Variants in AQP11 observed in about 807,000 individuals in gnomAD.
AQP11 encodes aquaporin-11.
In AQP11, 20 loss-of-function variants were observed where a neutral mutation model predicts 21.1. The ratio of observed to expected loss-of-function variants is 0.95; its 90% CI spans 0.67 to 1.38. The LOEUF is 1.38. Ranked by LOEUF, AQP11 falls within the 40% of genes most tolerant of loss-of-function variation. The pLI is 0.00. For synonymous variants in AQP11, 167 were observed against 150.1 expected (o/e 1.11, Z -0.82); for missense variants, 339 against 340.4 (o/e 1.00, Z 0.03).
In AQP11 at chr11:77,590,343, T is replaced by C. The variant is rs749228656; in HGVS notation, c.351T>C (p.Gly117=). 3.1e-6 allele frequency: 5 copies of C among 1,597,656 alleles called. No individual in the cohort carries two copies. In the African/African-American group the frequency reaches 4.1e-5, roughly 13 times the overall value. Residue 117 remains glycine, a synonymous_variant, in exon 1 of 3, where the codon GGT becomes GGC. Coordinates refer to ENST00000313578, the MANE Select transcript of AQP11 (RefSeq NM_173039.3). The part of the protein sequence containing the change: ...MMLGGMSPET[G]AVRLLAQLVS... ...TGGGGGGCATGTCCCCCGAGACGGGTGCGGTGAGGCTATTGGCTCAGCTGG... is the reference window on the plus strand; with the variant it reads ...TGGGGGGCATGTCCCCCGAGACGGGCGCGGTGAGGCTATTGGCTCAGCTGG...
chr11:77,601,995 C>T (rs1314231957), intron 1 of AQP11, among the ~76,000 whole-genome samples: 1 of 145,226 alleles, frequency 6.9e-6, no homozygotes, highest in Non-Finnish European at 1.5e-5. Context: ...TACTCTGCTG[C>T]ATTCTATCAA....
chr11:77,607,780 A>G (rs1958855247), intron 2 of AQP11, among the ~76,000 whole-genome samples: 1 of 151,638 alleles, frequency 6.6e-6, no homozygotes, highest in East Asian at 1.9e-4. Flanking sequence ...AAAAAAAAAA[A>G]GTATATAGAA....
chr11:77,595,075 C>G (rs922248962), intron 1 of AQP11, among the ~76,000 whole-genome samples: 2 of 152,174 alleles, frequency 1.3e-5, no homozygotes, highest in Admixed American at 6.5e-5. Flanking sequence ...GGTGTGGTGG[C>G]TCACGCCTGT....
At chr11:77,602,791 G>C (rs1958822545) in intron 1 of AQP11, among the ~76,000 whole-genome samples, 1 of 152,222 alleles carries the variant, frequency 6.6e-6, no homozygotes, top group African/African-American at 2.4e-5. Context: ...AGGCAGAGTT[G>C]TGTGCCTAAG....
chr11:77,590,291 C>A lies in AQP11; in HGVS notation c.299C>A (p.Pro100Gln), dbSNP rs752776735. The A allele has an allele frequency of 1.9e-6, 3 of 1,605,402 alleles. No individual in the cohort carries two copies. In the South Asian group the frequency reaches 3.3e-5, roughly 18 times the overall value. Residue 100 changes from proline (P) to glutamine (Q), a missense_variant, in exon 1 of 3, where the codon CCG becomes CAG. Pro to Gln is a moderately conservative substitution (Grantham distance 76). Coordinates refer to ENST00000313578, the MANE Select transcript of AQP11 (RefSeq NM_173039.3). Reference protein sequence around the residue: ...GLTLVGTSSNPCGVMMQMMLG... With the variant: ...GLTLVGTSSNQCGVMMQMMLG... Reference sequence around the variant, plus strand: ...ACTCTGGTGGGCACGTCCAGCAACCCGTGCGGCGTGATGATGCAGATGATG... The same window carrying A: ...ACTCTGGTGGGCACGTCCAGCAACCAGTGCGGCGTGATGATGCAGATGATG...
chr11:77,590,654 A>G lies in AQP11; in HGVS notation c.619+43A>G, dbSNP rs148893178. The stretch of plus-strand genomic sequence containing the variant: ...AATACTTGGCACTTCCAGAGCCTCT[A>G]TGACATGAGGCTGTAAGTTCTTTAC... On this transcript the variant is annotated intron_variant, in intron 1 of 2. Coordinates refer to ENST00000313578, the MANE Select transcript of AQP11 (RefSeq NM_173039.3). The G allele has an allele frequency of 4.5e-6, 7 of 1,571,396 alleles. No homozygotes were observed. In the Admixed American group the frequency reaches 5.5e-5, roughly 12 times the overall value.
chr11:77,591,095 A>G (rs1958744957), intron 1 of AQP11: 1 of 980,142 alleles, frequency 1.0e-6, no homozygotes, highest in Non-Finnish European at 1.2e-6. Context: ...CCTATAAATG[A>G]TTTAAAGTCA....
At chr11:77,597,569 CAAGAA>C (rs947104195) in intron 1 of AQP11, among the ~76,000 whole-genome samples, 2 of 151,846 alleles carry the variant, frequency 1.3e-5, no homozygotes, top group African/African-American at 2.4e-5. Context: ...GAGAATCTCT[CAAGAA>C]AAGAAAACAG....
intron 1 of AQP11, among the ~76,000 whole-genome samples, chr11:77,594,153 T>G (rs1181255106): frequency 6.6e-6 from 1 of 152,214 alleles, no homozygotes; most frequent in Non-Finnish European, 1.5e-5. Context: ...TGAAACAGCA[T>G]GGTGAATGTA....
chr11:77,606,714 T>C (rs984091054), intron 2 of AQP11, among the ~76,000 whole-genome samples: 1 of 152,244 alleles, frequency 6.6e-6, no homozygotes, highest in South Asian at 2.1e-4. Context: ...CCCAGCTAAG[T>C]TTTGTATTTT....
intron 1 of AQP11, among the ~76,000 whole-genome samples, chr11:77,594,727 A>ACTAAT (rs1958768264): frequency 6.6e-6 from 1 of 152,224 alleles, no homozygotes; most frequent in Non-Finnish European, 1.5e-5. Flanking sequence ...TTTTAGGATT[A>ACTAAT]CAGAACATAA....
chr11:77,601,872 T>C (rs1958817464), intron 1 of AQP11, among the ~76,000 whole-genome samples: 1 of 152,192 alleles, frequency 6.6e-6, no homozygotes, highest in African/African-American at 2.4e-5. Flanking sequence ...CAAACTTACA[T>C]GGTCAGGGCA....
intron 1 of AQP11, among the ~76,000 whole-genome samples, chr11:77,596,869 A>G (rs1958786561): frequency 6.6e-6 from 1 of 151,930 alleles, no homozygotes; most frequent in African/African-American, 2.4e-5. Flanking sequence ...CAATTTAAAA[A>G]AAAAAAGACT....
intron 1 of AQP11, 145 bp downstream of exon 1, chr11:77,590,756 C>T (rs1590780404): frequency 1.1e-5 from 16 of 1,479,904 alleles, no homozygotes; most frequent in East Asian, 4.6e-5. Flanking sequence ...TTTTGCAGCC[C>T]GTTCTTAACC....
Position 77,610,299 on chromosome 11 carries a change from A to G in AQP11, c.*922A>G, listed in dbSNP as rs1958869925. 1 of 152,242 alleles carries G rather than the reference A, an allele frequency of 6.6e-6. No homozygotes were observed. The highest frequency in any genetic ancestry group is 2.4e-5 in the African/African-American group (1 of 41,470). The allele number at this position is 152,242 out of a possible 1,614,324, so 9.4% of individuals were successfully genotyped here. A position where few individuals can be genotyped will look rare whatever the true frequency, so the allele number is the denominator to read the frequency against. On this transcript the variant is annotated 3_prime_UTR_variant, in exon 3 of 3. Transcript: ENST00000313578. ...ATTAAATACTTTATAATAACGTTAAAACTTGTTTAGAAATTAACTAGTATT... is the reference window on the plus strand; with the variant it reads ...ATTAAATACTTTATAATAACGTTAAGACTTGTTTAGAAATTAACTAGTATT...
At position 77,603,607 on chromosome 11, in the gene AQP11, A is replaced by G. The variant is rs1484464031; in HGVS notation, c.671A>G (p.His224Arg). Residue 224 changes from histidine (H) to arginine (R), a missense_variant, in exon 2 of 3, where the codon CAT (histidine) becomes CGT (arginine). Coordinates refer to ENST00000313578, the MANE Select transcript of AQP11 (RefSeq NM_173039.3). ...AATCCAGCTTTGGCACTTTCGCTACATTTCATGTGTTTTGATGAAGCATTC... is the reference window on the plus strand; with the variant it reads ...AATCCAGCTTTGGCACTTTCGCTACGTTTCATGTGTTTTGATGAAGCATTC... Reference protein sequence around the residue: ...VFNPALALSLHFMCFDEAFPQ... With the variant: ...VFNPALALSLRFMCFDEAFPQ... The G allele has an allele frequency of 6.2e-7, 1 of 1,609,728 alleles. No individual in the cohort carries two copies. The highest frequency in any genetic ancestry group is 8.5e-7 in the Non-Finnish European group (1 of 1,178,324).
In AQP11 at chr11:77,591,516, A is replaced by C. The variant is rs538890901; in HGVS notation, c.619+905A>C. Among the ~76,000 whole-genome samples the C allele has an allele frequency of 5.3e-4, 81 of 152,366 alleles. 1 individual carries two copies. Among genetic ancestry groups the C allele is most frequent in the Admixed American group, 4.8e-3 (73 of 15,310 alleles). On this transcript the variant is annotated intron_variant, in intron 1 of 2. Transcript: ENST00000313578. ...TCTGCCCATTAAAAGTGAAACAATG[A>C]CTAGAAGCAAACTTCAAGATAAGGA...
rs149377619 is a variant in AQP11, at chr11:77,609,320, G to A, written c.759G>A (p.Met253Ile). 1.5e-4 allele frequency: 234 copies of A among 1,612,280 alleles called. No individual in the cohort carries two copies. Among genetic ancestry groups the A allele is most frequent in the African/African-American group, 2.3e-4 (17 of 74,790 alleles). Reference sequence around the variant, plus strand: ...CAGGTATATTGTTGATGATTTTGATGTTCAGCTTTTTCCTTCCATGGCTGC... The same window carrying A: ...CAGGTATATTGTTGATGATTTTGATATTCAGCTTTTTCCTTCCATGGCTGC... The part of the protein sequence containing the change: ...PSLGILLMIL[M>I]FSFFLPWLHN... The change falls in exon 3 of 3, where the codon ATG (methionine) becomes ATA (isoleucine). Residue 253 changes from methionine (M) to isoleucine (I), a missense_variant. Met to Ile is a conservative substitution (Grantham distance 10). Coordinates refer to ENST00000313578, the MANE Select transcript of AQP11 (RefSeq NM_173039.3).
chr11:77,606,648 C>T (rs1202237694), intron 2 of AQP11, among the ~76,000 whole-genome samples: 4 of 152,182 alleles, frequency 2.6e-5, no homozygotes, highest in Admixed American at 6.5e-5. Flanking sequence ...CAGGCGCAAG[C>T]GATCCTCCTG....
Sources: allele counts gnomAD v4.1 joint callset (sites outside exome capture counted in the v4.1 genomes callset), GRCh38; gene constraint gnomAD v4.1.1; transcripts MANE v1.5; gene names NCBI Gene and HGNC (gene_info 2026-07-23, HGNC 2026-07-21).